The following TAOK3 variants were observed in gnomAD, a reference collection of about 807,000 sequenced individuals.
The protein encoded by TAOK3 is serine/threonine-protein kinase TAO3.
A neutral mutation model predicts 120.4 loss-of-function variants in TAOK3; 40 were observed. The observed-to-expected ratio is 0.33, with a 90% CI of 0.26 to 0.43. TAOK3 has a LOEUF of 0.43. Ranked by LOEUF, TAOK3 falls within the 20% of genes least tolerant of loss-of-function variation. The pLI is 1.00. For missense variants in TAOK3, 821 were observed against 1,112.1 expected (o/e 0.74, Z 3.72); for synonymous variants, 355 against 387.5 (o/e 0.92, Z 0.99).
At chr12:118,370,383 A>G (rs2045863424) in intron 1 of TAOK3, among the ~76,000 whole-genome samples, 1 of 152,252 alleles carries the variant, frequency 6.6e-6, no homozygotes, top group African/African-American at 2.4e-5. Context: ...TTAGGAAATA[A>G]TACAACATTC....
At chr12:118,321,256 A>G (rs2043692418) in intron 1 of TAOK3, among the ~76,000 whole-genome samples, 1 of 152,018 alleles carries the variant, frequency 6.6e-6, no homozygotes, top group Non-Finnish European at 1.5e-5. Flanking sequence ...ACACACACAA[A>G]CATACACACA....
intron 1 of TAOK3, among the ~76,000 whole-genome samples, chr12:118,313,958 T>C (rs2043354691): frequency 6.6e-6 from 1 of 152,234 alleles, no homozygotes; most frequent in South Asian, 2.1e-4. Context: ...CCTGCCTGCC[T>C]TTCTCTGGAA....
chr12:118,307,419 T>A (rs2043092150), intron 1 of TAOK3, among the ~76,000 whole-genome samples: 1 of 152,024 alleles, frequency 6.6e-6, no homozygotes, highest in South Asian at 2.1e-4. Flanking sequence ...TGACTCCCCC[T>A]CCCACCCTCA....
intron 3 of TAOK3, among the ~76,000 whole-genome samples, chr12:118,252,261 G>A (rs1271607375): frequency 6.6e-6 from 1 of 152,092 alleles, no homozygotes; most frequent in Non-Finnish European, 1.5e-5. Context: ...AAAACAAACA[G>A]GTCACAAATG....
chr12:118,338,783 T>G, intron 1 of TAOK3, among the ~76,000 whole-genome samples: 1 of 77,476 alleles, frequency 1.3e-5, no homozygotes, highest in Admixed American at 2.2e-4. Context: ...TGAGACTCCG[T>G]CTCAAAAAAA....
chr12:118,274,795 A>ATTTTTT (rs34458120), intron 1 of TAOK3, among the ~76,000 whole-genome samples: 1 of 141,822 alleles, frequency 7.1e-6, no homozygotes, highest in Non-Finnish European at 1.6e-5. Flanking sequence ...CACCCTGTTA[A>ATTTTTT]TTTTTTTTTT....
At chr12:118,218,659 C>T (rs999153634) in intron 9 of TAOK3, among the ~76,000 whole-genome samples, 1 of 150,072 alleles carries the variant, frequency 6.7e-6, no homozygotes, top group Admixed American at 6.7e-5. Context: ...ACTCAACCCT[C>T]CTTTTTTTTT....
At chr12:118,342,935 T>TAAAA (rs760467619) in intron 1 of TAOK3, among the ~76,000 whole-genome samples, 6 of 59,638 alleles carry the variant, frequency 1.0e-4, no homozygotes, top group Admixed American at 6.6e-4. Flanking sequence ...CTCTGTCTGC[T>TAAAA]AAAAAAAAAA....
intron 1 of TAOK3, among the ~76,000 whole-genome samples, chr12:118,330,352 CAATATA>C (rs2044091631): frequency 6.6e-6 from 1 of 152,002 alleles, no homozygotes; most frequent in African/African-American, 2.4e-5. Context: ...TTATATATGC[CAATATA>C]AATATATCTA....
chr12:118,316,117 A>G (rs993331982), intron 1 of TAOK3, among the ~76,000 whole-genome samples: 3 of 152,232 alleles, frequency 2.0e-5, no homozygotes, highest in Non-Finnish European at 2.9e-5. Flanking sequence ...TCTCCCTTCA[A>G]TTTATTCCTA....
At chr12:118,252,100 A>G (rs370137926) in intron 3 of TAOK3, among the ~76,000 whole-genome samples, 3 of 152,194 alleles carry the variant, frequency 2.0e-5, no homozygotes, top group Non-Finnish European at 4.4e-5. Context: ...GACTACAGGC[A>G]TGAGCCACTG....
chr12:118,291,170 T>TAAAAGGAATTATAGTAAATG, intron 1 of TAOK3, among the ~76,000 whole-genome samples: 1 of 151,304 alleles, frequency 6.6e-6, no homozygotes, highest in East Asian at 2.0e-4. Flanking sequence ...TTTTACTTTT[T>TAAAAGGAATTATAGTAAATG]TTTGAGATGG....
In TAOK3 at chr12:118,353,458, T is replaced by C. The variant is rs1329143761; in HGVS notation, c.-194+19190A>G. Among the ~76,000 whole-genome samples the C allele has an allele frequency of 7.9e-5, 12 of 151,848 alleles. No individual in the cohort carries two copies. The East Asian group carries it at 2.3e-3, about 29-fold the overall frequency. ...ATCATAGGAAATGAAGCTGGATAAA[T>C]AGTGTACAGGCAAATCAGAAAGGGT... On this transcript the variant is annotated intron_variant, in intron 1 of 20. Coordinates refer to ENST00000392533, the MANE Select transcript of TAOK3 (RefSeq NM_016281.4).
At chr12:118,225,388 G>C (rs894537839) in intron 9 of TAOK3, among the ~76,000 whole-genome samples, 3 of 144,800 alleles carry the variant, frequency 2.1e-5, no homozygotes, top group African/African-American at 7.8e-5. Flanking sequence ...CCTTTGTCTT[G>C]CATGTAAAAA....
chr12:118,366,361 T>C (rs1310364403), intron 1 of TAOK3, among the ~76,000 whole-genome samples: 1 of 152,262 alleles, frequency 6.6e-6, no homozygotes, highest in Non-Finnish European at 1.5e-5. Flanking sequence ...AAGTTATTAA[T>C]GTATTTAAGA....
chr12:118,193,911 A>G (rs537573395), intron 13 of TAOK3, among the ~76,000 whole-genome samples: 1 of 152,324 alleles, frequency 6.6e-6, no homozygotes, highest in East Asian at 1.9e-4. Context: ...TGTCGTTTGA[A>G]AAATCTTAGT....
chr12:118,348,845 C>CTTT (rs756607862), intron 1 of TAOK3, among the ~76,000 whole-genome samples: 2 of 127,808 alleles, frequency 1.6e-5, no homozygotes, highest in Admixed American at 7.9e-5. Flanking sequence ...AAAATAATTT[C>CTTT]TTTTTTTTTT....
intron 14 of TAOK3, 94 bp downstream of exon 14, chr12:118,189,713 T>TCCATGAA (rs1428512752): frequency 7.8e-5 from 113 of 1,449,936 alleles, no homozygotes; most frequent in Non-Finnish European, 7.2e-5. Flanking sequence ...TTTCCTCCCA[T>TCCATGAA]CCATGAAGCC....
intron 19 of TAOK3, among the ~76,000 whole-genome samples, chr12:118,158,436 A>T (rs2034988215): frequency 6.6e-6 from 1 of 152,198 alleles, no homozygotes; most frequent in Non-Finnish European, 1.5e-5. Context: ...CGCAGACACC[A>T]GGTCTACAAC....
Sources: gnomAD v4.1 joint callset for allele counts (sites outside exome capture counted in the v4.1 genomes callset) on GRCh38, gnomAD v4.1.1 for gene constraint, MANE v1.5 for transcripts, NCBI Gene and HGNC (gene_info 2026-07-23, HGNC 2026-07-21) for gene names.